The following KTN1 variants were observed in gnomAD, a reference collection of about 807,000 sequenced individuals.
The protein encoded by KTN1 is kinectin 1.
KTN1 carries 130 observed loss-of-function variants against 222.5 expected under a neutral mutation model. That is an observed-to-expected ratio of 0.58 (90% CI 0.51 to 0.68). The LOEUF (loss-of-function observed/expected upper bound fraction) is 0.68. Among genes scored for constraint, KTN1 ranks in the 30% least tolerant of loss-of-function variants. The pLI, the probability that KTN1 is intolerant of heterozygous loss-of-function variation, is 0.00. For missense variants in KTN1, 1,508 were observed against 1,500.4 expected (o/e 1.01, Z -0.08); for synonymous variants, 512 against 496.3 (o/e 1.03, Z -0.42).
At chr14:55,659,076 A>G (rs1292651972) in intron 30 of KTN1, among the ~76,000 whole-genome samples, 2 of 152,162 alleles carry the variant, frequency 1.3e-5, no homozygotes, top group South Asian at 2.1e-4. Context: ...TTTATAAAAG[A>G]TGCTACCCAA....
intron 1 of KTN1, chr14:55,607,400 C>G (rs1466540136): frequency 6.6e-6 from 1 of 151,970 alleles, no homozygotes; most frequent in Non-Finnish European, 1.5e-5. Flanking sequence ...GGATTTTAAA[C>G]CTGGGGCCCG....
intron 33 of KTN1, 152 bp from the exon 34 acceptor site, chr14:55,667,089 A>T (rs2044852170): frequency 1.8e-6 from 1 of 545,886 alleles, no homozygotes; most frequent in Non-Finnish European, 3.1e-6. Context: ...TTAATATCTT[A>T]AAGTGGGAAA....
At chr14:55,675,776 C>A in intron 40 of KTN1, 59 bp from the exon 41 acceptor site, 2 of 1,115,694 alleles carry the variant, frequency 1.8e-6, no homozygotes, top group African/African-American at 1.5e-5. Flanking sequence ...CTAGAGGTAT[C>A]AGCATAATCA....
At chr14:55,680,746 G>T in intron 43 of KTN1, 16 of 1,345,312 alleles carry the variant, frequency 1.2e-5, no homozygotes, top group South Asian at 6.9e-5. Context: ...ATTCAGGTCA[G>T]TTATCTCTAA....
At chr14:55,681,513 A>C (rs1457649732) in intron 43 of KTN1, 1 of 152,180 alleles carries the variant, frequency 6.6e-6, no homozygotes, top group South Asian at 2.1e-4. Context: ...ATTGTATTAC[A>C]CTTGAGACAT....
At chr14:55,665,429 C>G (rs1209169676) in intron 33 of KTN1, among the ~76,000 whole-genome samples, 1 of 151,924 alleles carries the variant, frequency 6.6e-6, no homozygotes, top group Non-Finnish European at 1.5e-5. Flanking sequence ...TGCCTTCTTG[C>G]ATAGCTAAAG....
chr14:55,617,497 TC>T (rs1162563772), intron 3 of KTN1, among the ~76,000 whole-genome samples: 2 of 152,320 alleles, frequency 1.3e-5, no homozygotes, highest in East Asian at 1.9e-4. Context: ...GCATAACTCT[TC>T]AGAAATGAGA....
At chr14:55,609,473 A>G (rs1193715781) in intron 1 of KTN1, among the ~76,000 whole-genome samples, 2 of 152,174 alleles carry the variant, frequency 1.3e-5, no homozygotes, top group African/African-American at 4.8e-5. Flanking sequence ...TCCCGTGAAA[A>G]TCCAGAGACA....
At chr14:55,679,914 C>A in intron 43 of KTN1, 1 of 483,844 alleles carries the variant, frequency 2.1e-6, no homozygotes. Context: ...ACCTTTGTAT[C>A]AAACAGACTC....
At chr14:55,669,346 C>T (rs374664304) in intron 34 of KTN1, among the ~76,000 whole-genome samples, 2 of 152,042 alleles carry the variant, frequency 1.3e-5, no homozygotes, top group East Asian at 1.9e-4. Context: ...ATATACTTGT[C>T]AAAAGTTGAA....
chr14:55,669,469 A>C (rs921808406), intron 34 of KTN1, among the ~76,000 whole-genome samples: 1 of 152,006 alleles, frequency 6.6e-6, no homozygotes, highest in Non-Finnish European at 1.5e-5. Context: ...TTATGTTATA[A>C]AATAATAAAG....
intron 13 of KTN1, 105 bp from the exon 14 acceptor site, chr14:55,639,808 T>G: frequency 1.4e-6 from 1 of 711,062 alleles, no homozygotes; most frequent in Non-Finnish European, 2.5e-6. Flanking sequence ...ATGGAAGGTA[T>G]ATGAGAACTA....
At chr14:55,626,967 G>A (rs28392709) in intron 5 of KTN1, among the ~76,000 whole-genome samples, 11,612 of 152,026 alleles carry the variant, frequency 0.076, 490 homozygotes, top group South Asian at 0.12. Context: ...GGGATGGCTG[G>A]TTTTACCTTT....
At chr14:55,640,757 C>G (rs531000605) in intron 15 of KTN1, among the ~76,000 whole-genome samples, 176 bp from the exon 16 acceptor site, 10 of 151,490 alleles carry the variant, frequency 6.6e-5, no homozygotes, top group Non-Finnish European at 1.5e-4. Flanking sequence ...GGAAAATAGT[C>G]TAGAATAAAA....
At chr14:55,624,126 C>T (rs564656663) in intron 5 of KTN1, among the ~76,000 whole-genome samples, 3 of 152,294 alleles carry the variant, frequency 2.0e-5, no homozygotes, top group Non-Finnish European at 2.9e-5. Context: ...TCTCATGGGG[C>T]GGTTCTGTTC....
Position 55,646,460 on chromosome 14 carries a change from T to TTTCCTTTCCTTTCC in KTN1, c.2173-511_2173-510insCCTTTCCTTTCCTT, listed in dbSNP as rs1595073348. ...CCTTTCCTTTTCCTTTTCCTTTTCC[T>TTTCCTTTCCTTTCC]TTTCCTTTCCTTTCCTTTCCTTTCC... On this transcript the variant is annotated intron_variant, in intron 18 of 43. Transcript: ENST00000395314. Among the ~76,000 whole-genome samples the TTTCCTTTCCTTTCC allele has an allele frequency of 2.2e-3, 107 of 48,966 alleles. 8 individuals are homozygous for TTTCCTTTCCTTTCC. The highest frequency in any genetic ancestry group is 0.012 in the East Asian group (21 of 1,754). 32.1% of individuals were successfully genotyped at this position (48,966 alleles called of 152,430 possible).
In KTN1 at chr14:55,633,223, AAAT is replaced by A; in HGVS notation, c.1222-8_1222-6del. On this transcript the variant is annotated splice_polypyrimidine_tract_variant and intron_variant, in intron 7 of 43. Transcript: ENST00000395314. Reference sequence around the variant, plus strand: ...TTGTTTTCTAAGTTTTATGTGTGTAAAATAATTTTAGTTTCAGCAAGTTCGTGA... The same window carrying A: ...TTGTTTTCTAAGTTTTATGTGTGTAAAATTTTAGTTTCAGCAAGTTCGTGA... 1 of 1,530,364 alleles carries A rather than the reference AAAT, an allele frequency of 6.5e-7. No individual in the cohort carries two copies. Among genetic ancestry groups the A allele is most frequent in the Non-Finnish European group, 8.9e-7 (1 of 1,129,656 alleles). 94.8% of individuals were successfully genotyped at this position (1,530,364 alleles called of 1,614,324 possible).
chr14:55,639,088 ATTAAC>A, intron 12 of KTN1, 92 bp from the exon 13 acceptor site: 1 of 787,488 alleles, frequency 1.3e-6, no homozygotes, highest in African/African-American at 1.7e-5. Context: ...ATTTATATAC[ATTAAC>A]TTCTCTTAAA....
chr14:55,621,052 ATCTCCCTCAAG>A (rs774462582), intron 5 of KTN1, among the ~76,000 whole-genome samples: 29 of 152,228 alleles, frequency 1.9e-4, no homozygotes, highest in Non-Finnish European at 4.0e-4. Flanking sequence ...ACCCTAAATC[ATCTCCCTCAAG>A]TCTCCCTCAG....
Sources: gnomAD v4.1 joint callset for allele counts (sites outside exome capture counted in the v4.1 genomes callset) on GRCh38, gnomAD v4.1.1 for gene constraint, MANE v1.5 for transcripts, NCBI Gene and HGNC (gene_info 2026-07-23, HGNC 2026-07-21) for gene names.